The following TGM2 variants were observed in gnomAD, a reference collection of about 807,000 sequenced individuals.
TGM2 encodes transglutaminase 2.
A neutral mutation model predicts 75.6 loss-of-function variants in TGM2; 53 were observed. The ratio of observed to expected loss-of-function variants is 0.70; its 90% CI spans 0.56 to 0.88. The LOEUF (loss-of-function observed/expected upper bound fraction) is 0.88, where lower values mean the gene tolerates loss of function less well. Among genes scored for constraint, TGM2 ranks in the 40% least tolerant of loss-of-function variants. TGM2 has a pLI of 0.00. For synonymous variants in TGM2, 374 were observed against 381.1 expected (o/e 0.98, Z 0.22); for missense variants, 842 against 928.5 (o/e 0.91, Z 1.21).
intron 10 of TGM2, among the ~76,000 whole-genome samples, chr20:38,136,001 G>A (rs2074896087): frequency 1.3e-5 from 2 of 152,216 alleles, no homozygotes; most frequent in South Asian, 4.1e-4. Context: ...GGTGCATTCA[G>A]AGGGCAGCAG....
intron 8 of TGM2, among the ~76,000 whole-genome samples, chr20:38,140,841 G>T (rs1326730179): frequency 6.6e-6 from 1 of 152,094 alleles, no homozygotes; most frequent in Non-Finnish European, 1.5e-5. Flanking sequence ...TTCCTAGAAA[G>T]TGTCCATATG....
At chr20:38,159,797 A>C (rs1043033560) in intron 2 of TGM2, among the ~76,000 whole-genome samples, 21 of 152,148 alleles carry the variant, frequency 1.4e-4, no homozygotes, top group African/African-American at 4.6e-4. Flanking sequence ...CCATCTGCAA[A>C]ATGGAGTCCT....
chr20:38,136,258 A>C (rs1220713654), intron 10 of TGM2, among the ~76,000 whole-genome samples: 1 of 152,340 alleles, frequency 6.6e-6, no homozygotes, highest in East Asian at 1.9e-4. Context: ...CCCGCAACAC[A>C]GACCTGCTTT....
At chr20:38,151,488 A>T (rs1167668891) in intron 3 of TGM2, among the ~76,000 whole-genome samples, 1 of 152,114 alleles carries the variant, frequency 6.6e-6, no homozygotes, top group African/African-American at 2.4e-5. Context: ...TTGCTGTGTG[A>T]CCCTGGGTAG....
intron 3 of TGM2, among the ~76,000 whole-genome samples, chr20:38,151,392 G>A (rs2075114238): frequency 6.6e-6 from 1 of 152,096 alleles, no homozygotes; most frequent in South Asian, 2.1e-4. Flanking sequence ...AGAAAACTAA[G>A]GCTCAGGAAT....
At chr20:38,131,719 G>A (rs1600476436) in intron 11 of TGM2, among the ~76,000 whole-genome samples, 1 of 152,240 alleles carries the variant, frequency 6.6e-6, no homozygotes, top group South Asian at 2.1e-4. Flanking sequence ...TACCATTTAA[G>A]TGTAATTGTT....
chr20:38,165,156 C>G, intron 1 of TGM2, 33 bp downstream of exon 1: 1 of 1,613,938 alleles, frequency 6.2e-7, no homozygotes, highest in Non-Finnish European at 8.5e-7. Context: ...CCCGGGGCCC[C>G]TGAGTGGCGG....
intron 3 of TGM2, among the ~76,000 whole-genome samples, chr20:38,152,899 G>C (rs2075130476): frequency 6.6e-6 from 1 of 152,252 alleles, no homozygotes; most frequent in Non-Finnish European, 1.5e-5. Flanking sequence ...CCAGAACCAC[G>C]CTTCCCATTC....
intron 12 of TGM2, 114 bp downstream of exon 12, chr20:38,130,979 G>A: frequency 6.6e-7 from 1 of 1,519,306 alleles, no homozygotes; most frequent in South Asian, 1.2e-5. Context: ...CAGCTGTGTG[G>A]GAGATGAGAG....
upstream of TGM2, chr20:38,165,345 C>T: frequency 1.6e-6 from 2 of 1,226,320 alleles, no homozygotes; most frequent in Middle Eastern, 2.5e-4. Context: ...GGGAAGGCGG[C>T]GACCTGGGAG....
intron 4 of TGM2, among the ~76,000 whole-genome samples, chr20:38,149,540 G>T (rs1367015519): frequency 6.6e-6 from 1 of 152,028 alleles, no homozygotes; most frequent in Non-Finnish European, 1.5e-5. Flanking sequence ...TTAGCCGGGT[G>T]TGGTGGTGGG....
intron 10 of TGM2, chr20:38,132,771 G>A (rs541496548): frequency 3.1e-4 from 170 of 550,076 alleles, no homozygotes; most frequent in African/African-American, 2.9e-3. Flanking sequence ...GGGTGACCCC[G>A]CGTGAGCCAC....
At chr20:38,153,164 T>G (rs2075134765) in intron 3 of TGM2, among the ~76,000 whole-genome samples, 1 of 152,070 alleles carries the variant, frequency 6.6e-6, no homozygotes, top group South Asian at 2.1e-4. Context: ...CACAACCTCA[T>G]GTCCATCAGT....
At chr20:38,161,646 A>T (rs376635131) in intron 1 of TGM2, 47 bp from the exon 2 acceptor site, 1 of 1,607,356 alleles carries the variant, frequency 6.2e-7, no homozygotes, top group Non-Finnish European at 8.5e-7. Context: ...CATCCTTCAG[A>T]CCTCCAGTGA....
At position 38,155,984 on chromosome 20, in the gene TGM2, G is replaced by T. The variant is rs776522634; in HGVS notation, c.296C>A (p.Thr99Asn). Residue 99 changes from threonine (T) to asparagine (N), a missense_variant, in exon 3 of 13, where the codon ACC (threonine) becomes AAC (asparagine). Coordinates refer to ENST00000361475, the MANE Select transcript of TGM2 (RefSeq NM_004613.4). ...TATVVDQQDC[T>N]LSLQLTTPAN... ...CGGGGTGGTGAGCTGCAGCGAGAGG[G>T]TGCAGTCTTGCTGGTCCACCACGGT... 2.5e-6 allele frequency: 4 copies of T among 1,613,466 alleles called. No homozygotes were observed. Among genetic ancestry groups the T allele is most frequent in the Non-Finnish European group, 3.4e-6 (4 of 1,179,900 alleles).
At chr20:38,137,767 G>A (rs2074917740) in intron 10 of TGM2, among the ~76,000 whole-genome samples, 1 of 152,226 alleles carries the variant, frequency 6.6e-6, no homozygotes. Context: ...CAGAGGGTCT[G>A]TGAAAGCAGT....
rs574490764 is a variant in TGM2, at chr20:38,155,836, G to A, written c.433+11C>T. On this transcript the variant is annotated intron_variant, in intron 3 of 12. Coordinates refer to ENST00000361475, the MANE Select transcript of TGM2 (RefSeq NM_004613.4). ...CACCCCAACGCTGTGAGTGGATGGC[G>A]TGTGGCTCACCTGGGCACCAGGCGT... The A allele has an allele frequency of 1.4e-4, 217 of 1,593,730 alleles. No homozygotes were observed. In the South Asian group the frequency reaches 2.1e-3, roughly 15 times the overall value.
intron 10 of TGM2, among the ~76,000 whole-genome samples, chr20:38,136,510 T>C (rs1159862928): frequency 6.6e-6 from 1 of 152,212 alleles, no homozygotes; most frequent in East Asian, 1.9e-4. Context: ...TTACCCCCGA[T>C]GGTCCTGCAC....
intron 2 of TGM2, among the ~76,000 whole-genome samples, chr20:38,159,400 G>A (rs45548531): frequency 0.018 from 2,748 of 152,028 alleles, 77 homozygotes; most frequent in African/African-American, 0.063. Context: ...AAAAAATAAC[G>A]CTTGGGTACT....
Sources: gnomAD v4.1 joint callset for allele counts (sites outside exome capture counted in the v4.1 genomes callset) on GRCh38, gnomAD v4.1.1 for gene constraint, MANE v1.5 for transcripts, NCBI Gene and HGNC (gene_info 2026-07-23, HGNC 2026-07-21) for gene names.